The following GRIA3 variants were observed in gnomAD, a reference collection of about 807,000 sequenced individuals.
The protein encoded by GRIA3 is glutamate receptor 3.
In GRIA3, 3 loss-of-function variants were observed where a neutral mutation model predicts 63.0. The observed-to-expected ratio is 0.05, with a 90% CI of 0.02 to 0.12. GRIA3 has a LOEUF of 0.12. Among genes scored for constraint, GRIA3 ranks in the 10% least tolerant of loss-of-function variants. GRIA3 has a pLI of 1.00. For missense variants in GRIA3, 347 were observed against 700.9 expected (o/e 0.50, Z 5.70); for synonymous variants, 274 against 257.9 (o/e 1.06, Z -0.60).
chrX:123,440,104 T>C (rs1224079409), intron 12 of GRIA3, among the ~76,000 whole-genome samples: 1 of 112,370 alleles, frequency 8.9e-6, no homozygotes, highest in East Asian at 2.8e-4. Context: ...GCTCCATCCA[T>C]GTTCCCACAA....
At chrX:123,452,478 G>C (rs1213215720) in intron 12 of GRIA3, among the ~76,000 whole-genome samples, 2 of 110,605 alleles carry the variant, frequency 1.8e-5, no homozygotes, top group Non-Finnish European at 3.8e-5. Flanking sequence ...ATTCTCCAGG[G>C]ACCTGGAAGT....
intron 3 of GRIA3, among the ~76,000 whole-genome samples, chrX:123,285,198 T>G (rs1026471227): frequency 9.0e-6 from 1 of 110,849 alleles, no homozygotes; most frequent in South Asian, 3.8e-4. Context: ...GACAAGCAAA[T>G]GCTGAGAGAT....
At chrX:123,467,628 C>A (rs1046114427) in intron 13 of GRIA3, among the ~76,000 whole-genome samples, 1 of 112,025 alleles carries the variant, frequency 8.9e-6, no homozygotes, top group African/African-American at 3.2e-5. Flanking sequence ...ATTGCTCTCA[C>A]GAATTCATCA....
rs748771970 is a variant in GRIA3, at chrX:123,370,273, T to C, written c.750+15310T>C. On this transcript the variant is annotated intron_variant, in intron 5 of 15. Transcript: ENST00000620443. Reference sequence around the variant, plus strand: ...TCCTACTTTTCCTTCTCCCTCTTACTTCCAGGATATGGGGTGGTCATGCTG... The same window carrying C: ...TCCTACTTTTCCTTCTCCCTCTTACCTCCAGGATATGGGGTGGTCATGCTG... 1.0e-4 allele frequency among the ~76,000 whole-genome samples: 6 copies of C among 58,609 alleles called. No homozygotes were observed. The East Asian group carries it at 2.0e-3, about 20-fold the overall frequency. 50.9% of individuals were successfully genotyped at this position (58,609 alleles called of 115,157 possible). A position where few individuals can be genotyped will look rare whatever the true frequency, so the allele number is the denominator to read the frequency against.
intron 4 of GRIA3, among the ~76,000 whole-genome samples, chrX:123,334,512 T>C (rs1472058763): frequency 1.8e-5 from 2 of 111,900 alleles, no homozygotes. Flanking sequence ...CTCTTGTTTA[T>C]TTCAGATGAT....
intron 3 of GRIA3, among the ~76,000 whole-genome samples, chrX:123,300,866 A>G (rs1053496655): frequency 2.7e-5 from 3 of 110,612 alleles, no homozygotes; most frequent in Non-Finnish European, 5.7e-5. Context: ...GATATGTTGT[A>G]TCTTTGTTCT....
Position 123,403,449 on chromosome X carries a change from T to C in GRIA3, c.1223T>C (p.Phe408Ser), listed in dbSNP as rs1253797577. ...YWNEYERFVP[F>S]SDQQISNDSA... The stretch of plus-strand genomic sequence containing the variant: ...AATGAGTATGAAAGGTTTGTGCCTT[T>C]CTCAGATCAGCAAATCAGCAATGAC... The change falls in exon 9 of 16, where the codon TTC becomes TCC. Residue 408 changes from phenylalanine to serine, a missense_variant. Around this residue, in one of 8 missense-constraint regions of GRIA3, gnomAD observed 65 missense variants for 145.8 expected, o/e 0.45. Coordinates refer to ENST00000620443, the MANE Select transcript of GRIA3 (RefSeq NM_007325.5). The C allele has an allele frequency of 8.3e-7, 1 of 1,198,251 alleles. No individual in the cohort carries two copies. Among genetic ancestry groups the C allele is most frequent in the Non-Finnish European group, 1.1e-6 (1 of 882,964 alleles).
At chrX:123,432,604 C>T (rs1343046054) in intron 12 of GRIA3, among the ~76,000 whole-genome samples, 1 of 111,571 alleles carries the variant, frequency 9.0e-6, no homozygotes, top group Non-Finnish European at 1.9e-5. Flanking sequence ...TAGTTTGTTG[C>T]TTACTTTGCC....
At chrX:123,318,219 GAT>G (rs2044844859) in intron 3 of GRIA3, among the ~76,000 whole-genome samples, 1 of 112,141 alleles carries the variant, frequency 8.9e-6, no homozygotes, top group Non-Finnish European at 1.9e-5. Flanking sequence ...CTGGGCCTGT[GAT>G]GGGAGGGGCT....
rs188022413 is a variant in GRIA3, at chrX:123,458,112, T to C, written c.2077-6753T>C. On this transcript the variant is annotated intron_variant, in intron 12 of 15. Transcript: ENST00000620443. Reference sequence around the variant, plus strand: ...TCGGGAAGAGAGCATACTGATTCTCTATTGCTACAAAGAGAAAAATTAGGA... The same window carrying C: ...TCGGGAAGAGAGCATACTGATTCTCCATTGCTACAAAGAGAAAAATTAGGA... 5.4e-4 allele frequency among the ~76,000 whole-genome samples: 60 copies of C among 110,334 alleles called. 1 individual carries two copies. Among genetic ancestry groups the C allele is most frequent in the Middle Eastern group, 4.6e-3 (1 of 217 alleles).
intron 2 of GRIA3, among the ~76,000 whole-genome samples, chrX:123,233,846 G>A (rs1348884659): frequency 9.0e-6 from 1 of 111,413 alleles, no homozygotes; most frequent in African/African-American, 3.3e-5. Context: ...AGTATTTGAG[G>A]AGAAGTATTA....
intron 2 of GRIA3, among the ~76,000 whole-genome samples, chrX:123,250,262 A>T (rs2147280858): frequency 9.0e-6 from 1 of 111,486 alleles, no homozygotes; most frequent in East Asian, 2.8e-4. Flanking sequence ...TTATAGTCTA[A>T]ATAAATAAAT....
chrX:123,432,547 G>A lies in GRIA3; in HGVS notation c.2076+4408G>A, dbSNP rs761766528. ...GTCATGTATAACCTGTGATATGCCT[G>A]TGCATATACCTGTGTGCGTAGGCTG... On this transcript the variant is annotated intron_variant, in intron 12 of 15. Transcript: ENST00000620443. Among the ~76,000 whole-genome samples the A allele has an allele frequency of 1.5e-4, 17 of 111,725 alleles. No individual in the cohort carries two copies. The South Asian group carries it at 6.4e-3, about 42-fold the overall frequency.
chrX:123,184,860 G>A, intron 1 of GRIA3: 2 of 494,636 alleles, frequency 4.0e-6, no homozygotes, highest in Non-Finnish European at 7.3e-6. Context: ...GGACAAGAGA[G>A]GGGTCTCCTG....
intron 12 of GRIA3, among the ~76,000 whole-genome samples, chrX:123,448,743 CT>C (rs2045715450): frequency 8.9e-6 from 1 of 112,286 alleles, no homozygotes; most frequent in Non-Finnish European, 1.9e-5. Context: ...TCAGAAAGTT[CT>C]ATGAGATGTT....
At position 123,442,473 on chromosome X, in the gene GRIA3, TAAG is replaced by T. The variant is rs756195273; in HGVS notation, c.2076+14340_2076+14342del. ...CAGGGATAGAGATTTTAGATCAATG[TAAG>T]AAGAACATTCTAATATAGCAATCCA... On this transcript the variant is annotated intron_variant, in intron 12 of 15. Coordinates refer to ENST00000620443, the MANE Select transcript of GRIA3 (RefSeq NM_007325.5). Among the ~76,000 whole-genome samples, 27 of 111,941 alleles carry T rather than the reference TAAG, an allele frequency of 2.4e-4. No individual in the cohort carries two copies. The South Asian group carries it at 0.01, about 42-fold the overall frequency.
intron 4 of GRIA3, among the ~76,000 whole-genome samples, chrX:123,340,905 G>A (rs775440973): frequency 2.9e-4 from 33 of 111,961 alleles, no homozygotes; most frequent in Admixed American, 6.7e-4. Flanking sequence ...TCCCAGCGAT[G>A]AAAAACAACA....
At chrX:123,185,517 G>T (rs1331373827) in intron 1 of GRIA3, among the ~76,000 whole-genome samples, 1 of 92,692 alleles carries the variant, frequency 1.1e-5, no homozygotes, top group African/African-American at 4.0e-5. Context: ...GAGGGGGGGG[G>T]CGACTAAAAA....
chrX:123,337,045 A>T (rs1011423414), intron 4 of GRIA3, among the ~76,000 whole-genome samples: 1 of 112,165 alleles, frequency 8.9e-6, no homozygotes, highest in South Asian at 3.8e-4. Flanking sequence ...AGCTCTTTCT[A>T]TCATCTGAGG....
Sources: gnomAD v4.1 joint callset for allele counts (sites outside exome capture counted in the v4.1 genomes callset) on GRCh38, gnomAD v4.1.1 for gene constraint, gnomAD v4.1.1 regional missense constraint, MANE v1.5 for transcripts, NCBI Gene and HGNC (gene_info 2026-07-23, HGNC 2026-07-21) for gene names.